UTP4: variants seen among roughly 807,000 people sequenced by gnomAD.
UTP4 encodes U3 small nucleolar RNA-associated protein 4 homolog.
UTP4 carries 45 observed loss-of-function variants against 82.4 expected under a neutral mutation model. That is an observed-to-expected ratio of 0.55 (90% confidence interval 0.43 to 0.70). The LOEUF (loss-of-function observed/expected upper bound fraction) is 0.70. Among genes scored for constraint, UTP4 ranks in the 30% least tolerant of loss-of-function variants. The pLI, the probability that UTP4 is intolerant of heterozygous loss-of-function variation, is 0.00. For synonymous variants in UTP4, 348 were observed against 300.3 expected, an observed-to-expected ratio of 1.16 and a Z score of -1.64; for missense variants, 819 against 858.3, an observed-to-expected ratio of 0.95 and a Z score of 0.57.
At chr16:69,133,353 T>A (rs1962701598) in intron 1 of UTP4, 105 bp from the exon 2 acceptor site, 1 of 1,084,484 alleles carries the variant, frequency 9.2e-7, no homozygotes, top group Non-Finnish European at 1.4e-6. Flanking sequence ...CAGGGAGATG[T>A]TGTTGGAGCC....
chr16:69,132,819 G>A (rs531324020), intron 1 of UTP4, 130 bp downstream of exon 1: 2 of 226,446 alleles, frequency 8.8e-6, no homozygotes, highest in Non-Finnish European at 1.8e-5. Context: ...CGGGGTGGGG[G>A]CTACTCTGTA....
At chr16:69,154,290 A>G (rs1430415034) in intron 9 of UTP4, 103 bp from the exon 10 acceptor site, 2 of 894,894 alleles carry the variant, frequency 2.2e-6, no homozygotes, top group African/African-American at 3.4e-5. Context: ...CTGATTTCCC[A>G]CTGATAGAGA....
chr16:69,145,550 GCTTTTTCTTTTT>G (rs577785687), intron 6 of UTP4, among the ~76,000 whole-genome samples: 2 of 152,040 alleles, frequency 1.3e-5, no homozygotes, highest in Non-Finnish European at 2.9e-5. Context: ...ACCGCCCCTG[GCTTTTTCTTTTT>G]CTTTTTCTTT....
At chr16:69,136,373 G>T (rs886606757) in intron 2 of UTP4, among the ~76,000 whole-genome samples, 4 of 152,184 alleles carry the variant, frequency 2.6e-5, no homozygotes, top group African/African-American at 9.7e-5. Context: ...GACTATAAGT[G>T]TGTGCCACCA....
At chr16:69,148,393 G>A (rs942298213) in intron 6 of UTP4, among the ~76,000 whole-genome samples, 7 of 150,056 alleles carry the variant, frequency 4.7e-5, no homozygotes, top group East Asian at 2.0e-4. Context: ...CACTGCGCCC[G>A]GCCTAATTTT....
intron 6 of UTP4, among the ~76,000 whole-genome samples, chr16:69,148,104 C>T (rs986101525): frequency 6.6e-6 from 1 of 151,852 alleles, no homozygotes. Flanking sequence ...TACAGGCGCC[C>T]GCCACCACAC....
At chr16:69,135,609 G>A (rs1031679841) in intron 2 of UTP4, among the ~76,000 whole-genome samples, 4 of 152,158 alleles carry the variant, frequency 2.6e-5, no homozygotes, top group African/African-American at 9.7e-5. Context: ...CCAGCTACTT[G>A]GAGGGTTGAG....
At chr16:69,162,866 G>A (rs1016745893) in intron 13 of UTP4, among the ~76,000 whole-genome samples, 2 of 151,566 alleles carry the variant, frequency 1.3e-5, no homozygotes, top group African/African-American at 4.8e-5. Context: ...CTCCAGCCTG[G>A]GTGACAAGAG....
Position 69,153,612 on chromosome 16 carries a change from G to C in UTP4, c.1031G>C (p.Arg344Thr). The change falls in exon 9 of 17, where the codon AGG becomes ACG. Residue 344 changes from arginine (R) to threonine (T), a missense_variant. Physicochemically the swap from Arg to Thr is moderately conservative, Grantham distance 71. Coordinates refer to ENST00000314423, the MANE Select transcript of UTP4 (RefSeq NM_032830.3). ...HRCLISCSKK[R>T]QLLLFQFAHH... ...TGTCTCATCTCCTGTTCTAAAAAGA[G>C]GCAGCTTCTCCTCTTCCAGTTTGCT... The C allele has an allele frequency of 6.2e-7, 1 of 1,613,532 alleles. No individual in the cohort carries two copies. The highest frequency in any genetic ancestry group is 8.5e-7 in the Non-Finnish European group (1 of 1,179,752).
chr16:69,164,129 C>G (rs1049962995), intron 14 of UTP4, among the ~76,000 whole-genome samples: 1 of 152,070 alleles, frequency 6.6e-6, no homozygotes, highest in Non-Finnish European at 1.5e-5. Context: ...TGTGATCCGC[C>G]CGCCTCGGCC....
At chr16:69,143,012 C>T (rs1433497909) in intron 5 of UTP4, among the ~76,000 whole-genome samples, 166 bp from the exon 6 acceptor site, 1 of 152,190 alleles carries the variant, frequency 6.6e-6, no homozygotes, top group Non-Finnish European at 1.5e-5. Flanking sequence ...ATCATGCTTA[C>T]CGCAGGCGGG....
rs766174741 is a variant in UTP4 at position 69,137,836 on chromosome 16, A to T, written c.387A>T (p.Gln129His). 6.2e-7 allele frequency: 1 copy of T among 1,613,250 alleles called. No individual in the cohort carries two copies. Among genetic ancestry groups the T allele is most frequent in the East Asian group, 2.2e-5 (1 of 44,894 alleles). The stretch of plus-strand genomic sequence containing the variant: ...AAGATGGATCTGTGAAACTATTTCA[A>T]ATTACCCCAGACAAAATCCAGTTTG... Reference protein sequence around the residue: ...GCEDGSVKLFQITPDKIQFER... With the variant: ...GCEDGSVKLFHITPDKIQFER... Residue 129 changes from glutamine to histidine, a missense_variant, in exon 4 of 17, where the codon CAA (glutamine) becomes CAT (histidine). Transcript: ENST00000314423.
In UTP4 at chr16:69,154,394, C is replaced by G. The variant is rs775678795; in HGVS notation, c.1101C>G (p.Gly367=). 1 of 1,608,168 alleles carries G rather than the reference C, an allele frequency of 6.2e-7. No individual in the cohort carries two copies. Among genetic ancestry groups the G allele is most frequent in the East Asian group, 2.2e-5 (1 of 44,804 alleles). Reference sequence around the variant, plus strand: ...TCTCAGGGAAGTTTCTTGTTTCAGGCAAGAATGGGGATACTCTTCCACTCT... The same window carrying G: ...TCTCAGGGAAGTTTCTTGTTTCAGGGAAGAATGGGGATACTCTTCCACTCT... ...LWRLGSTVAT[G]KNGDTLPLSK... The change falls in exon 10 of 17, where the codon GGC becomes GGG. Residue 367 remains glycine, a splice_region_variant and synonymous_variant. Transcript: ENST00000314423.
At chr16:69,163,290 G>A in intron 14 of UTP4, 112 bp downstream of exon 14, 1 of 871,632 alleles carries the variant, frequency 1.1e-6, no homozygotes, top group South Asian at 1.3e-5. Flanking sequence ...AGGATATAAG[G>A]TAGTTTTCTC....
rs1963721256 is a variant in UTP4, at chr16:69,167,110, A to G, written c.1869A>G (p.Pro623=). 1.9e-6 allele frequency: 3 copies of G among 1,613,894 alleles called. No homozygotes were observed. The South Asian group carries it at 3.3e-5, about 18-fold the overall frequency. Residue 623 remains proline, a synonymous_variant, in exon 16 of 17, where the codon CCA becomes CCG. Transcript: ENST00000314423. The part of the protein sequence containing the change: ...LPNDKTLLYN[P]FPPTNESDVI... ...ATGACAAAACCTTACTCTACAATCCATTTCCTCCCACGAATGAATCAGATG... is the reference window on the plus strand; with the variant it reads ...ATGACAAAACCTTACTCTACAATCCGTTTCCTCCCACGAATGAATCAGATG...
chr16:69,142,871 G>T (rs924967642), intron 5 of UTP4, among the ~76,000 whole-genome samples: 1 of 152,016 alleles, frequency 6.6e-6, no homozygotes, highest in Non-Finnish European at 1.5e-5. Context: ...TCCCTCCCTT[G>T]CACCTTCTAT....
chr16:69,166,716 C>A, intron 15 of UTP4: 1 of 270,598 alleles, frequency 3.7e-6, no homozygotes, highest in Non-Finnish European at 7.1e-6. Context: ...CCAGTTTGTT[C>A]CATTCTGACA....
intron 8 of UTP4, 77 bp downstream of exon 8, chr16:69,150,981 A>C (rs1307754905): frequency 6.9e-6 from 8 of 1,155,834 alleles, no homozygotes; most frequent in Non-Finnish European, 9.1e-6. Flanking sequence ...AGCTCTGAAC[A>C]CAGCTCACGC....
chr16:69,133,752 C>T, intron 2 of UTP4, 134 bp downstream of exon 2: 1 of 820,942 alleles, frequency 1.2e-6, no homozygotes, highest in Non-Finnish European at 2.0e-6. Flanking sequence ...AACTACCAAA[C>T]TTCTGAGATC....
Sources: allele counts gnomAD v4.1 joint callset (sites outside exome capture counted in the v4.1 genomes callset), GRCh38; gene constraint gnomAD v4.1.1; transcripts MANE v1.5; gene names NCBI Gene and HGNC (gene_info 2026-07-23, HGNC 2026-07-21).